Variants in ARHGEF7 observed in about 807,000 individuals in gnomAD.
The protein encoded by ARHGEF7 is PAK-interacting exchange factor beta.
Under a neutral mutation model 109.8 loss-of-function variants are expected in ARHGEF7, and 33 were observed. That is an observed-to-expected ratio of 0.30 (90% CI 0.23 to 0.40). The LOEUF (loss-of-function observed/expected upper bound fraction) is 0.40, where lower values mean the gene tolerates loss of function less well. ARHGEF7 is among the 10% of genes least tolerant of loss of function. The pLI, the probability that ARHGEF7 is intolerant of heterozygous loss-of-function variation, is 1.00. For missense variants in ARHGEF7, 938 were observed against 1,098.5 expected, an observed-to-expected ratio of 0.85 and a Z score of 2.07; for synonymous variants, 458 against 424.6, an observed-to-expected ratio of 1.08 and a Z score of -0.97.
intron 2 of ARHGEF7, among the ~76,000 whole-genome samples, chr13:111,170,597 G>A (rs1594237232): frequency 6.6e-6 from 1 of 152,212 alleles, no homozygotes; most frequent in East Asian, 1.9e-4. Flanking sequence ...TTTACTGAAT[G>A]CAGTGCTAAG....
At chr13:111,285,376 C>T (rs765865339) in intron 16 of ARHGEF7, among the ~76,000 whole-genome samples, 2 of 152,188 alleles carry the variant, frequency 1.3e-5, no homozygotes, top group South Asian at 2.1e-4. Context: ...TGGTTTATGT[C>T]GTTGGGGTGA....
rs574963873 is a variant in ARHGEF7 at position 111,120,651 on chromosome 13, C to T, written c.165+4960C>T. Among the ~76,000 whole-genome samples the T allele has an allele frequency of 3.9e-5, 6 of 152,332 alleles. No individual in the cohort carries two copies. In the East Asian group the frequency reaches 9.7e-4, roughly 25 times the overall value. ...GTCCAAAGGATGCCATCTCAGGACC[C>T]GGCCCTCATTCTATTAATAGAAGTC... On this transcript the variant is annotated intron_variant, in intron 1 of 21. Coordinates refer to ENST00000646102, the MANE Select transcript of ARHGEF7 (RefSeq NM_001354046.2).
intron 2 of ARHGEF7, among the ~76,000 whole-genome samples, chr13:111,192,548 A>G (rs938705487): frequency 6.6e-6 from 1 of 152,190 alleles, no homozygotes; most frequent in Non-Finnish European, 1.5e-5. Flanking sequence ...TGTGAGGAGA[A>G]TTTTGGATTC....
In ARHGEF7 at chr13:111,186,406, GT is replaced by G. The variant is rs1309539119; in HGVS notation, c.253-18881del. 7.2e-5 allele frequency among the ~76,000 whole-genome samples: 11 copies of G among 152,336 alleles called. No individual in the cohort carries two copies. In the East Asian group the frequency reaches 1.9e-3, roughly 27 times the overall value. On this transcript the variant is annotated intron_variant, in intron 2 of 21. Coordinates refer to ENST00000646102, the MANE Select transcript of ARHGEF7 (RefSeq NM_001354046.2). The stretch of plus-strand genomic sequence containing the variant: ...AGTGAAATAAATCATTTGGGTGCAT[GT>G]TGGGTGAAAGTGCCGTAATTGATAG...
Position 111,244,070 on chromosome 13 carries a change from G to A in ARHGEF7, c.854+104G>A, listed in dbSNP as rs191771576. On this transcript the variant is annotated intron_variant, in intron 7 of 21. Coordinates refer to ENST00000646102, the MANE Select transcript of ARHGEF7 (RefSeq NM_001354046.2). ...GGGTTAAATAGTGAAACAAAATTTAGTGTACCAGTTTGCCTTAGACATCAG... is the reference window on the plus strand; with the variant it reads ...GGGTTAAATAGTGAAACAAAATTTAATGTACCAGTTTGCCTTAGACATCAG... The A allele has an allele frequency of 1.7e-5, 21 of 1,241,886 alleles. No individual in the cohort carries two copies. In the African/African-American group the frequency reaches 2.3e-4, roughly 13 times the overall value. The allele number at this position is 1,241,886 out of a possible 1,614,324, so 76.9% of individuals were successfully genotyped here.
At chr13:111,181,882 T>C (rs1181349988) in intron 2 of ARHGEF7, among the ~76,000 whole-genome samples, 2 of 152,202 alleles carry the variant, frequency 1.3e-5, no homozygotes, top group African/African-American at 2.4e-5. Flanking sequence ...ATGCAGGTAA[T>C]GCTGCTGCTT....
intron 2 of ARHGEF7, among the ~76,000 whole-genome samples, chr13:111,195,916 C>T (rs2080446041): frequency 6.6e-6 from 1 of 152,168 alleles, no homozygotes; most frequent in Non-Finnish European, 1.5e-5. Flanking sequence ...GCCTATTCCT[C>T]TTGGTCCCTA....
At chr13:111,169,695 A>G (rs1162595401) in intron 2 of ARHGEF7, among the ~76,000 whole-genome samples, 3 of 152,120 alleles carry the variant, frequency 2.0e-5, no homozygotes, top group Non-Finnish European at 4.4e-5. Flanking sequence ...TTTTGGTGGA[A>G]TTATATTTTT....
At chr13:111,225,573 C>T (rs985289888) in intron 5 of ARHGEF7, among the ~76,000 whole-genome samples, 1 of 151,860 alleles carries the variant, frequency 6.6e-6, no homozygotes, top group African/African-American at 2.4e-5. Flanking sequence ...GCCATTTTTC[C>T]AGCACCATGT....
intron 4 of ARHGEF7, among the ~76,000 whole-genome samples, chr13:111,212,849 T>A (rs954297073): frequency 2.0e-5 from 3 of 152,250 alleles, no homozygotes; most frequent in African/African-American, 7.2e-5. Context: ...GTTGATGGTA[T>A]GCCATAATGT....
At position 111,178,665 on chromosome 13, in the gene ARHGEF7, C is replaced by CTA. The variant is rs144056935; in HGVS notation, c.252+24675_252+24676insAT. Among the ~76,000 whole-genome samples the CTA allele has an allele frequency of 1.7e-3, 253 of 152,364 alleles. 1 individual carries two copies. Among genetic ancestry groups the CTA allele is most frequent in the African/African-American group, 5.9e-3 (244 of 41,584 alleles). ...GGGCATGGTGAGGAGTGCCAGCCAT[C>CTA]TGTCAGGGAGGCAGCTGCCGGTACC... On this transcript the variant is annotated intron_variant, in intron 2 of 21. Transcript: ENST00000646102.
In ARHGEF7 at chr13:111,302,982, A is replaced by C. The variant is rs762089278; in HGVS notation, c.2467-9A>C. Reference sequence around the variant, plus strand: ...ATAGTGAACACCCTGTGGTCTGCTTAATTTACAGGACAACAAAAAGATGAA... The same window carrying C: ...ATAGTGAACACCCTGTGGTCTGCTTCATTTACAGGACAACAAAAAGATGAA... On this transcript the variant is annotated splice_polypyrimidine_tract_variant and intron_variant, in intron 21 of 21. Coordinates refer to ENST00000646102, the MANE Select transcript of ARHGEF7 (RefSeq NM_001354046.2). 1 of 1,613,948 alleles carries C rather than the reference A, an allele frequency of 6.2e-7. No homozygotes were observed. The highest frequency in any genetic ancestry group is 1.7e-5 in the Admixed American group (1 of 60,002).
chr13:111,302,550 C>T (rs116280935), intron 21 of ARHGEF7, among the ~76,000 whole-genome samples: 3,649 of 152,300 alleles, frequency 0.024, 151 homozygotes, highest in African/African-American at 0.084. Context: ...ATGCCTCCTA[C>T]GTCCGAGACA....
At chr13:111,284,823 T>G (rs1370731474) in intron 16 of ARHGEF7, among the ~76,000 whole-genome samples, 2 of 151,436 alleles carry the variant, frequency 1.3e-5, no homozygotes, top group African/African-American at 4.9e-5. Context: ...TGGCTCTGGC[T>G]CAGGTGTGCT....
intron 1 of ARHGEF7, among the ~76,000 whole-genome samples, chr13:111,119,693 A>G (rs1412718628): frequency 6.6e-6 from 1 of 152,200 alleles, no homozygotes; most frequent in African/African-American, 2.4e-5. Flanking sequence ...CTTGCAGAAA[A>G]TCAGCAAATC....
intron 2 of ARHGEF7, among the ~76,000 whole-genome samples, chr13:111,189,369 T>G (rs919741423): frequency 6.6e-6 from 1 of 152,094 alleles, no homozygotes; most frequent in Non-Finnish European, 1.5e-5. Flanking sequence ...TTCTTTCCGG[T>G]GGGTTTGTGG....
At chr13:111,194,145 A>G (rs2080226461) in intron 2 of ARHGEF7, among the ~76,000 whole-genome samples, 1 of 152,158 alleles carries the variant, frequency 6.6e-6, no homozygotes. Flanking sequence ...CGATTTCCTT[A>G]GTTAGGTATG....
intron 4 of ARHGEF7, among the ~76,000 whole-genome samples, chr13:111,211,091 A>C (rs1468359251): frequency 3.3e-5 from 5 of 152,162 alleles, no homozygotes; most frequent in Non-Finnish European, 7.4e-5. Context: ...AGGATCCCCG[A>C]GGGGTCTGAC....
intron 5 of ARHGEF7, among the ~76,000 whole-genome samples, chr13:111,223,675 T>A (rs2084781248): frequency 2.0e-5 from 3 of 152,198 alleles, no homozygotes; most frequent in Admixed American, 2.0e-4. Context: ...TAGTCCCTCT[T>A]TGAAGACAGA....
Sources: gnomAD v4.1 joint callset for allele counts (sites outside exome capture counted in the v4.1 genomes callset) on GRCh38, gnomAD v4.1.1 for gene constraint, MANE v1.5 for transcripts, NCBI Gene and HGNC (gene_info 2026-07-23, HGNC 2026-07-21) for gene names.